The following USP10 variants were observed in gnomAD, a reference collection of about 807,000 sequenced individuals.
USP10 encodes ubiquitin carboxyl-terminal hydrolase 10.
A neutral mutation model predicts 84.5 loss-of-function variants in USP10; 22 were observed. That is an observed-to-expected ratio of 0.26 (90% confidence interval 0.19 to 0.37). USP10 has a LOEUF of 0.37. USP10 is among the 10% of genes least tolerant of loss of function. USP10 has a pLI of 1.00. For synonymous variants in USP10, 454 were observed against 387.6 expected, an observed-to-expected ratio of 1.17 and a Z score of -2.01; for missense variants, 1,019 against 998.9, an observed-to-expected ratio of 1.02 and a Z score of -0.27.
At chr16:84,749,648 A>C (rs12232414) in intron 4 of USP10, among the ~76,000 whole-genome samples, 19,750 of 152,148 alleles carry the variant, frequency 0.13, 1,425 homozygotes, top group East Asian at 0.28. Flanking sequence ...GTTTGTTTCA[A>C]ATACTCACAT....
intron 3 of USP10, among the ~76,000 whole-genome samples, chr16:84,741,466 G>C (rs1910612088): frequency 2.0e-5 from 3 of 152,182 alleles, no homozygotes; most frequent in South Asian, 4.1e-4. Context: ...TGCTCATGTT[G>C]AACCAGTGCT....
intron 4 of USP10, among the ~76,000 whole-genome samples, chr16:84,751,848 G>T (rs999768336): frequency 6.6e-6 from 1 of 152,102 alleles, no homozygotes; most frequent in South Asian, 2.1e-4. Context: ...ATGTTAATAT[G>T]ACCCCTAAGT....
At chr16:84,756,205 C>T (rs1912521219) in intron 4 of USP10, among the ~76,000 whole-genome samples, 1 of 152,172 alleles carries the variant, frequency 6.6e-6, no homozygotes, top group South Asian at 2.1e-4. Context: ...AGGGCAGGAC[C>T]ACCTTGCATT....
chr16:84,761,869 A>G (rs62050885), intron 8 of USP10, among the ~76,000 whole-genome samples: 2,851 of 152,388 alleles, frequency 0.019, 36 homozygotes, highest in Middle Eastern at 0.031. Flanking sequence ...CAGGCCTGCT[A>G]TGAAAAGTCT....
In USP10 at chr16:84,779,252, G is replaced by T. The variant is rs761416121; in HGVS notation, c.*170G>T. 4.8e-6 allele frequency: 3 copies of T among 630,568 alleles called. No homozygotes were observed. Among genetic ancestry groups the T allele is most frequent in the Non-Finnish European group, 7.7e-6 (3 of 390,156 alleles). The allele number at this position is 630,568 out of a possible 1,614,324, so 39.1% of individuals were successfully genotyped here. ...GGGGTTCGTGCACAACACAGCTTCTGTTGACTCTAACTTCCAAATCAAAAT... is the reference window on the plus strand; with the variant it reads ...GGGGTTCGTGCACAACACAGCTTCTTTTGACTCTAACTTCCAAATCAAAAT... On this transcript the variant is annotated 3_prime_UTR_variant, in exon 14 of 14. Coordinates refer to ENST00000219473, the MANE Select transcript of USP10 (RefSeq NM_005153.3).
At chr16:84,774,477 T>G (rs998206052) in intron 12 of USP10, among the ~76,000 whole-genome samples, 6 of 86,784 alleles carry the variant, frequency 6.9e-5, no homozygotes, top group African/African-American at 9.8e-5. Flanking sequence ...GTTTTGTTTT[T>G]TTTTTGTTTG....
intron 10 of USP10, among the ~76,000 whole-genome samples, chr16:84,765,988 A>C (rs576378247): frequency 1.3e-5 from 2 of 152,186 alleles, no homozygotes; most frequent in Non-Finnish European, 1.5e-5. Context: ...ATTGGAGCCT[A>C]ATTTCCTTTC....
intron 1 of USP10, among the ~76,000 whole-genome samples, chr16:84,726,622 A>G (rs1326634113): frequency 2.6e-5 from 4 of 152,134 alleles, no homozygotes; most frequent in Admixed American, 2.0e-4. Context: ...TGTTTCTTGT[A>G]TATTTTTTTC....
chr16:84,721,818 C>T (rs940157776), intron 1 of USP10, among the ~76,000 whole-genome samples: 3 of 152,246 alleles, frequency 2.0e-5, no homozygotes, highest in Admixed American at 6.5e-5. Context: ...CTGCCTCAGC[C>T]TCTCGAGTAG....
chr16:84,778,976 G>A lies in USP10; in HGVS notation c.2291G>A (p.Arg764His), dbSNP rs773044842. Residue 764 changes from arginine to histidine, a missense_variant, in exon 14 of 14, where the codon CGC becomes CAC. Around this residue, in one of 2 missense-constraint regions of USP10, gnomAD observed 232 missense variants for 290.1 expected, o/e 0.80. Transcript: ENST00000219473. ...VFQIGLNGWLRIDDQTVKVIN... is the reference protein window; with the variant it reads ...VFQIGLNGWLHIDDQTVKVIN... The stretch of plus-strand genomic sequence containing the variant: ...CAGATCGGTCTGAATGGCTGGCTGC[G>A]CATCGATGACCAGACAGTCAAGGTG... 11 of 1,614,018 alleles carry A rather than the reference G, an allele frequency of 6.8e-6. No individual in the cohort carries two copies. The highest frequency in any genetic ancestry group is 1.7e-4 in the Middle Eastern group (1 of 6,050).
At position 84,726,863 on chromosome 16, in the gene USP10, A is replaced by G. The variant is rs534447840; in HGVS notation, c.22-6572A>G. 5.9e-5 allele frequency among the ~76,000 whole-genome samples: 9 copies of G among 152,336 alleles called. No individual in the cohort carries two copies. The South Asian group carries it at 6.2e-4, about 11-fold the overall frequency. On this transcript the variant is annotated intron_variant, in intron 1 of 13. Transcript: ENST00000219473. ...GCCGTCCCGCCCCTGGGCATTTCCT[A>G]TGCAACCACAGGACGCGGGAAAGGA...
At chr16:84,706,590 G>C (rs1905547645) in intron 1 of USP10, among the ~76,000 whole-genome samples, 1 of 150,396 alleles carries the variant, frequency 6.6e-6, no homozygotes, top group Non-Finnish European at 1.5e-5. Flanking sequence ...ACCCAGGCTG[G>C]AGTGCAGTGG....
At chr16:84,733,268 A>G (rs965241711) in intron 1 of USP10, 167 bp from the exon 2 acceptor site, 18 of 617,062 alleles carry the variant, frequency 2.9e-5, no homozygotes, top group Non-Finnish European at 4.1e-5. Flanking sequence ...TTTCTTTTAT[A>G]TAAACAACCT....
chr16:84,754,131 A>G (rs947147247), intron 4 of USP10, among the ~76,000 whole-genome samples: 1 of 152,184 alleles, frequency 6.6e-6, no homozygotes, highest in African/African-American at 2.4e-5. Flanking sequence ...ACACAGCACT[A>G]ATATCAGGTA....
intron 4 of USP10, among the ~76,000 whole-genome samples, chr16:84,750,500 G>T (rs184582133): frequency 1.3e-5 from 2 of 152,178 alleles, no homozygotes; most frequent in African/African-American, 4.8e-5. Flanking sequence ...GCAGACACGT[G>T]GGGAGTGCCT....
chr16:84,745,080 T>A lies in USP10; in HGVS notation c.599T>A (p.Met200Lys), dbSNP rs1911049066. The A allele has an allele frequency of 6.2e-7, 1 of 1,613,662 alleles. No homozygotes were observed. Among genetic ancestry groups the A allele is most frequent in the Non-Finnish European group, 8.5e-7 (1 of 1,179,642 alleles). Residue 200 changes from methionine (M) to lysine (K), a missense_variant, in exon 4 of 14, where the codon ATG (methionine) becomes AAG (lysine). This residue lies in a region of USP10 where 787 missense variants were observed against 708.8 expected (regional missense o/e 1.11). Transcript: ENST00000219473. ...GAGGATGCAGAATTTATGGGTGACA[T>A]GCCCCCGTCAGTTACGCCCAGGACT... Reference protein sequence around the residue: ...SAEDAEFMGDMPPSVTPRTCN... With the variant: ...SAEDAEFMGDKPPSVTPRTCN...
Position 84,764,939 on chromosome 16 carries a change from A to AAATATATATAT in USP10, c.1832+677_1832+678insATATATATATA, listed in dbSNP as rs370383030. 6.5e-3 allele frequency among the ~76,000 whole-genome samples: 855 copies of AAATATATATAT among 132,222 alleles called. 9 individuals carry two copies. The highest frequency in any genetic ancestry group is 0.017 in the African/African-American group (596 of 35,562). The allele number at this position is 132,222 out of a possible 152,430, so 86.7% of individuals were successfully genotyped here. A position where few individuals can be genotyped will look rare whatever the true frequency, so the allele number is the denominator to read the frequency against. Reference sequence around the variant, plus strand: ...TAACCACGAGAGAGAGAGAAAAAAAAATATATATATATATATTAGACTTCA... The same window carrying AAATATATATAT: ...TAACCACGAGAGAGAGAGAAAAAAAAAATATATATATATATATATATATATATTAGACTTCA... On this transcript the variant is annotated intron_variant, in intron 10 of 13. Transcript: ENST00000219473.
chr16:84,751,916 T>G (rs879404991), intron 4 of USP10, among the ~76,000 whole-genome samples: 3 of 152,198 alleles, frequency 2.0e-5, no homozygotes, highest in Non-Finnish European at 4.4e-5. Flanking sequence ...TAATCATAGC[T>G]TATGATGACA....
chr16:84,775,282 A>T, intron 13 of USP10, 57 bp downstream of exon 13: 5 of 1,560,468 alleles, frequency 3.2e-6, no homozygotes, highest in South Asian at 1.1e-5. Context: ...AGGGGTTTAC[A>T]GCTGGGCACA....
Sources: allele counts gnomAD v4.1 joint callset (sites outside exome capture counted in the v4.1 genomes callset), GRCh38; gene constraint gnomAD v4.1.1; regional missense constraint gnomAD v4.1.1; transcripts MANE v1.5; gene names NCBI Gene and HGNC (gene_info 2026-07-23, HGNC 2026-07-21).